ADK: variants seen among roughly 807,000 people sequenced by gnomAD.
ADK encodes the protein N6,N6-dimethyladenosine kinase.
A neutral mutation model predicts 44.7 loss-of-function variants in ADK; 24 were observed. The ratio of observed to expected loss-of-function variants is 0.54; its 90% confidence interval spans 0.39 to 0.76. ADK has a LOEUF of 0.76. Ranked by LOEUF, ADK falls within the 30% of genes least tolerant of loss-of-function variation. ADK has a pLI of 0.00. For missense variants in ADK, 321 were observed against 425.1 expected (o/e 0.76, Z 2.15); for synonymous variants, 128 against 142.6 (o/e 0.90, Z 0.73).
intron 5 of ADK, among the ~76,000 whole-genome samples, chr10:74,397,984 C>A (rs1048764448): frequency 6.6e-6 from 1 of 152,066 alleles, no homozygotes; most frequent in East Asian, 1.9e-4. Context: ...TTCCTCTTAG[C>A]GAATATGGTC....
At chr10:74,559,509 T>C (rs1329796218) in intron 7 of ADK, among the ~76,000 whole-genome samples, 4 of 152,234 alleles carry the variant, frequency 2.6e-5, no homozygotes, top group African/African-American at 9.6e-5. Context: ...TGTAGTAATA[T>C]GTCTTATGTA....
chr10:74,463,262 C>G (rs1166350991), intron 6 of ADK, among the ~76,000 whole-genome samples: 7 of 152,056 alleles, frequency 4.6e-5, no homozygotes, highest in Admixed American at 6.5e-5. Flanking sequence ...TTGTCGTGCA[C>G]TTTATTTCTG....
intron 4 of ADK, among the ~76,000 whole-genome samples, chr10:74,360,557 GCT>G (rs138951383): frequency 2.7e-5 from 4 of 149,982 alleles, no homozygotes; most frequent in South Asian, 2.1e-4. Flanking sequence ...TCTCTCTCAT[GCT>G]CTCTCTCTCT....
At chr10:74,701,011 A>G (rs934609248) in intron 10 of ADK, among the ~76,000 whole-genome samples, 1 of 152,358 alleles carries the variant, frequency 6.6e-6, no homozygotes, top group South Asian at 2.1e-4. Context: ...ATTTGACTAC[A>G]CCAGAGAACA....
chr10:74,546,750 A>G (rs1238810075), intron 7 of ADK, among the ~76,000 whole-genome samples: 3 of 152,144 alleles, frequency 2.0e-5, no homozygotes, highest in Non-Finnish European at 4.4e-5. Flanking sequence ...AGTGTTTTAT[A>G]TAATGATTAT....
chr10:74,257,274 G>A (rs562988456), intron 3 of ADK, among the ~76,000 whole-genome samples: 50 of 152,194 alleles, frequency 3.3e-4, no homozygotes, highest in Admixed American at 1.2e-3. Flanking sequence ...CGCAAGTTTC[G>A]TATCCTGTGA....
intron 6 of ADK, among the ~76,000 whole-genome samples, chr10:74,510,916 G>A (rs924216878): frequency 1.3e-5 from 2 of 151,972 alleles, no homozygotes; most frequent in Non-Finnish European, 2.9e-5. Flanking sequence ...CCATGTTGTC[G>A]AGGCTGATCT....
intron 4 of ADK, among the ~76,000 whole-genome samples, chr10:74,333,109 A>G (rs1841277568): frequency 6.6e-6 from 1 of 152,216 alleles, no homozygotes; most frequent in Admixed American, 6.5e-5. Context: ...TCTATAAAAA[A>G]TGAGATGACA....
In ADK at chr10:74,300,311, TTTCC is replaced by T. The variant is rs1213221623; in HGVS notation, c.195-14309_195-14306del. 4.2e-4 allele frequency among the ~76,000 whole-genome samples: 28 copies of T among 67,134 alleles called. No homozygotes were observed. In the South Asian group the frequency reaches 4.4e-3, roughly 10 times the overall value. The allele number at this position is 67,134 out of a possible 152,430, so 44.0% of individuals were successfully genotyped here. Reference sequence around the variant, plus strand: ...CCTTCCTTCCTTCCTTCCTTCCTTCTTTCCTTCCTTCCTTCCTTCCTTCCTTCCT... The same window carrying T: ...CCTTCCTTCCTTCCTTCCTTCCTTCTTTCCTTCCTTCCTTCCTTCCTTCCT... On this transcript the variant is annotated intron_variant, in intron 3 of 10. Coordinates refer to ENST00000539909, the MANE Select transcript of ADK (RefSeq NM_006721.4).
At chr10:74,404,109 T>C (rs1199317294) in intron 6 of ADK, among the ~76,000 whole-genome samples, 1 of 151,108 alleles carries the variant, frequency 6.6e-6, no homozygotes, top group Admixed American at 6.6e-5. Context: ...CCTGACCTCA[T>C]GATCCACACG....
At chr10:74,541,652 G>T (rs552509439) in intron 7 of ADK, among the ~76,000 whole-genome samples, 1 of 151,272 alleles carries the variant, frequency 6.6e-6, no homozygotes. Context: ...AATTCACCAG[G>T]CATGATGGCA....
At chr10:74,404,140 G>T (rs1843821387) in intron 6 of ADK, among the ~76,000 whole-genome samples, 1 of 150,870 alleles carries the variant, frequency 6.6e-6, no homozygotes, top group South Asian at 2.1e-4. Context: ...CCAAAGTTCT[G>T]GGATTACAGG....
intron 9 of ADK, among the ~76,000 whole-genome samples, chr10:74,624,185 C>G (rs971633910): frequency 2.0e-5 from 3 of 151,500 alleles, no homozygotes; most frequent in Admixed American, 2.0e-4. Flanking sequence ...CTGGCTTATC[C>G]TATTTCAACT....
At chr10:74,315,459 C>T (rs1304433279) in intron 4 of ADK, among the ~76,000 whole-genome samples, 2 of 152,016 alleles carry the variant, frequency 1.3e-5, no homozygotes, top group African/African-American at 4.8e-5. Context: ...TTTGAGTTAC[C>T]AGCTTAACCT....
At chr10:74,268,565 G>T (rs1591959728) in intron 3 of ADK, among the ~76,000 whole-genome samples, 1 of 152,054 alleles carries the variant, frequency 6.6e-6, no homozygotes. Flanking sequence ...CTAGTGCCTG[G>T]CATATATTAG....
At chr10:74,305,317 C>T (rs187063330) in intron 3 of ADK, among the ~76,000 whole-genome samples, 2 of 152,226 alleles carry the variant, frequency 1.3e-5, no homozygotes, top group Admixed American at 6.5e-5. Context: ...TCTGACAGAG[C>T]GTTTGCTTCT....
In ADK at chr10:74,372,431, C is replaced by A. The variant is rs537903769; in HGVS notation, c.274-21710C>A. ...AAAGGTCTTAAGCTGTTATTGCACA[C>A]GCTCTTAAGCAACATGGAAATAAGG... On this transcript the variant is annotated intron_variant, in intron 4 of 10. Transcript: ENST00000539909. The A allele has an allele frequency of 1.4e-4, 81 of 581,902 alleles. No individual in the cohort carries two copies. The South Asian group carries it at 1.5e-3, about 11-fold the overall frequency. The allele number at this position is 581,902 out of a possible 1,614,324, so 36.0% of individuals were successfully genotyped here.
At chr10:74,422,186 G>A (rs1384001177) in intron 6 of ADK, among the ~76,000 whole-genome samples, 2 of 152,200 alleles carry the variant, frequency 1.3e-5, no homozygotes, top group Non-Finnish European at 2.9e-5. Context: ...TGAAGAGGTG[G>A]AAACTTCATC....
At chr10:74,406,514 T>TAAG (rs1293011034) in intron 6 of ADK, among the ~76,000 whole-genome samples, 7 of 38,972 alleles carry the variant, frequency 1.8e-4, no homozygotes, top group South Asian at 7.6e-4. Flanking sequence ...AAAATAATAA[T>TAAG]AATAATAATA....
Sources: gnomAD v4.1 joint callset for allele counts (sites outside exome capture counted in the v4.1 genomes callset) on GRCh38, gnomAD v4.1.1 for gene constraint, MANE v1.5 for transcripts, NCBI Gene and HGNC (gene_info 2026-07-23, HGNC 2026-07-21) for gene names.